HIRA: variants seen among roughly 807,000 people sequenced by gnomAD.
The protein encoded by HIRA is protein HIRA.
In HIRA, 13 loss-of-function variants were observed where a neutral mutation model predicts 126.6. That is an observed-to-expected ratio of 0.10 (90% CI 0.07 to 0.16). HIRA has a LOEUF of 0.16. HIRA is among the 10% of genes least tolerant of loss of function. The pLI is 1.00. For missense variants in HIRA, 834 were observed against 1,314.4 expected (o/e 0.63, Z 5.65); for synonymous variants, 511 against 520.0 (o/e 0.98, Z 0.24).
intron 9 of HIRA, among the ~76,000 whole-genome samples, chr22:19,391,632 C>G (rs916793176): frequency 3.3e-5 from 5 of 152,058 alleles, no homozygotes; most frequent in African/African-American, 1.2e-4. Flanking sequence ...AGGCGCCCAC[C>G]ACCACGCCCA....
At chr22:19,410,279 C>T (rs1436357041) in intron 2 of HIRA, among the ~76,000 whole-genome samples, 1 of 152,212 alleles carries the variant, frequency 6.6e-6, no homozygotes, top group Non-Finnish European at 1.5e-5. Flanking sequence ...TTTAACCTAA[C>T]TGAATTCCTT....
chr22:19,334,759 G>A (rs376346222), intron 24 of HIRA, among the ~76,000 whole-genome samples: 3 of 152,090 alleles, frequency 2.0e-5, no homozygotes, highest in Non-Finnish European at 2.9e-5. Context: ...TTACATGTAA[G>A]CTGGGTTTCT....
chr22:19,409,887 G>C (rs1242491923), intron 2 of HIRA, among the ~76,000 whole-genome samples: 1 of 151,220 alleles, frequency 6.6e-6, no homozygotes, highest in Non-Finnish European at 1.5e-5. Context: ...TGGAAGGAGA[G>C]AAAGGCTTCC....
chr22:19,330,763 A>AT lies in HIRA; in HGVS notation c.*676dup, dbSNP rs144223202. On this transcript the variant is annotated 3_prime_UTR_variant, in exon 25 of 25. Coordinates refer to ENST00000263208, the MANE Select transcript of HIRA (RefSeq NM_003325.4). ...AAGAAATCGCCCACCCCTTTGCCCC[A>AT]TTCCCCCAAAACAGTCTCTTTTTAC... is the stretch of plus-strand genomic sequence containing the variant. 2,119 of 157,922 alleles carry AT rather than the reference A, an allele frequency of 0.013. 70 individuals are homozygous for AT. Among genetic ancestry groups the AT allele is most frequent in the East Asian group, 0.095 (507 of 5,360 alleles). The allele number at this position is 157,922 out of a possible 1,614,324, so 9.8% of individuals were successfully genotyped here. A position where few individuals can be genotyped will look rare whatever the true frequency, so the allele number is the denominator to read the frequency against.
chr22:19,351,105 G>A lies in HIRA; in HGVS notation c.2937+253C>T. ...TTTTGTCTTCACAACCAAGCCCAGAGCCCCTGCAGGCAGCCTCCCTCAGCA... is the reference window on the plus strand; with the variant it reads ...TTTTGTCTTCACAACCAAGCCCAGAACCCCTGCAGGCAGCCTCCCTCAGCA... On this transcript the variant is annotated intron_variant, in intron 24 of 24. Transcript: ENST00000263208. This position sits in a 1 kb window ranked among gnomAD's most constrained non-coding sequence, Gnocchi z 4.8. The A allele has an allele frequency of 1.0e-6, 1 of 984,860 alleles. No individual in the cohort carries two copies. Among genetic ancestry groups the A allele is most frequent in the Non-Finnish European group, 1.2e-6 (1 of 829,474 alleles). The allele number at this position is 984,860 out of a possible 1,614,324, so 61.0% of individuals were successfully genotyped here.
chr22:19,403,371 A>G (rs960126759), intron 5 of HIRA, among the ~76,000 whole-genome samples: 1 of 152,110 alleles, frequency 6.6e-6, no homozygotes, highest in African/African-American at 2.4e-5. Context: ...GCACTTCGGG[A>G]GGCCAGGACA....
chr22:19,408,535 G>A lies in HIRA; in HGVS notation c.159C>T (p.Asp53=), dbSNP rs767322263. The A allele has an allele frequency of 3.7e-6, 6 of 1,613,754 alleles. No homozygotes were observed. The highest frequency in any genetic ancestry group is 1.3e-5 in the African/African-American group (1 of 75,022). The change falls in exon 3 of 25, where the codon GAC becomes GAT. Residue 53 remains aspartate, a synonymous_variant. Transcript: ENST00000263208. Reference sequence around the variant, plus strand: ...TCTTGGGAATATTTTCATCCTTCTCGTCATCCTCCTGGAGGACTGGAGACA... The same window carrying A: ...TCTTGGGAATATTTTCATCCTTCTCATCATCCTCCTGGAGGACTGGAGACA... The part of the protein sequence containing the change: ...WNMSPVLQED[D]EKDENIPKML...
At chr22:19,339,890 AC>A (rs1422036363) in intron 24 of HIRA, among the ~76,000 whole-genome samples, 6 of 152,212 alleles carry the variant, frequency 3.9e-5, no homozygotes, top group African/African-American at 1.4e-4. Flanking sequence ...AAAATTGCCA[AC>A]AAAAAAACAG....
At chr22:19,367,845 G>A (rs1045727173) in intron 15 of HIRA, among the ~76,000 whole-genome samples, 1 of 152,174 alleles carries the variant, frequency 6.6e-6, no homozygotes, top group African/African-American at 2.4e-5. Context: ...ATAGTTGGCT[G>A]AATCCATAGA....
chr22:19,361,856 T>C lies in HIRA; in HGVS notation c.1851A>G (p.Lys617=), dbSNP rs200475559. Residue 617 remains lysine, a synonymous_variant, in exon 16 of 25, where the codon AAA becomes AAG. Coordinates refer to ENST00000263208, the MANE Select transcript of HIRA (RefSeq NM_003325.4). The stretch of plus-strand genomic sequence containing the variant: ...GTGAGGAAGCCTTAGCCAAAGGGAC[T>C]TTCTCATCGCTGTCACTGCTGCTCT... The part of the protein sequence containing the change: ...LLESSSDSDE[K]VPLAKASSLS... 6.3e-5 allele frequency: 102 copies of C among 1,614,114 alleles called. No individual in the cohort carries two copies. Among genetic ancestry groups the C allele is most frequent in the Non-Finnish European group, 8.2e-5 (97 of 1,180,048 alleles).
chr22:19,412,361 AC>A (rs2089360393), intron 1 of HIRA, among the ~76,000 whole-genome samples: 1 of 152,204 alleles, frequency 6.6e-6, no homozygotes, highest in African/African-American at 2.4e-5. Flanking sequence ...GATGAGCTGA[AC>A]CTGCTAAGTC....
rs138349474 is a variant in HIRA, at chr22:19,416,147, T to C, written c.38-5369A>G. Reference sequence around the variant, plus strand: ...TCAATGGGGAAAGAACAGTCTCTTTTACAAATGGTGCTGCGAAAACTGCAC... The same window carrying C: ...TCAATGGGGAAAGAACAGTCTCTTTCACAAATGGTGCTGCGAAAACTGCAC... On this transcript the variant is annotated intron_variant, in intron 1 of 24. Coordinates refer to ENST00000263208, the MANE Select transcript of HIRA (RefSeq NM_003325.4). 1.8e-4 allele frequency among the ~76,000 whole-genome samples: 28 copies of C among 152,294 alleles called. No homozygotes were observed. In the East Asian group the frequency reaches 4.8e-3, roughly 26 times the overall value.
At chr22:19,406,321 CTAAA>C (rs1197016431) in intron 4 of HIRA, among the ~76,000 whole-genome samples, 1 of 152,112 alleles carries the variant, frequency 6.6e-6, no homozygotes, top group African/African-American at 2.4e-5. Flanking sequence ...AAATTGTATA[CTAAA>C]TGTTACTTAT....
chr22:19,369,464 G>T (rs2088944776), intron 15 of HIRA, among the ~76,000 whole-genome samples: 1 of 152,186 alleles, frequency 6.6e-6, no homozygotes, highest in Admixed American at 6.5e-5. Context: ...CTCCTATGAG[G>T]AGAGTTTTCC....
intron 11 of HIRA, 52 bp downstream of exon 11, chr22:19,387,659 T>C (rs2089138945): frequency 7.4e-7 from 1 of 1,354,184 alleles, no homozygotes; most frequent in Non-Finnish European, 1.1e-6. Context: ...CTCTCAGAGC[T>C]ATTGTGGCAA....
intron 1 of HIRA, among the ~76,000 whole-genome samples, chr22:19,413,595 C>CTATTTATTTATT (rs376817979): frequency 0.011 from 1,545 of 143,756 alleles, 19 homozygotes; most frequent in East Asian, 0.013. Context: ...GGGAATGAAA[C>CTATTTATTTATT]TATTTATTTA....
In HIRA at chr22:19,351,077, G is replaced by A. The variant is rs751674284; in HGVS notation, c.2937+281C>T. On this transcript the variant is annotated intron_variant, in intron 24 of 24. Coordinates refer to ENST00000263208, the MANE Select transcript of HIRA (RefSeq NM_003325.4). This position sits in a 1 kb window ranked among gnomAD's most constrained non-coding sequence, Gnocchi z 4.8. The stretch of plus-strand genomic sequence containing the variant: ...CCACGAAGGCAGGGAAGTACCTTCC[G>A]TCTTTTGTCTTCACAACCAAGCCCA... 15 of 968,864 alleles carry A rather than the reference G, an allele frequency of 1.5e-5. No individual in the cohort carries two copies. The highest frequency in any genetic ancestry group is 1.8e-5 in the African/African-American group (1 of 56,818). The allele number at this position is 968,864 out of a possible 1,614,324, so 60.0% of individuals were successfully genotyped here.
chr22:19,341,353 G>A (rs1479878834), intron 24 of HIRA, among the ~76,000 whole-genome samples: 1 of 151,610 alleles, frequency 6.6e-6, no homozygotes, highest in Non-Finnish European at 1.5e-5. Flanking sequence ...AGGAGGCTGA[G>A]GTGCAGGATC....
chr22:19,387,401 T>A (rs1161352681), intron 11 of HIRA, among the ~76,000 whole-genome samples: 1 of 152,164 alleles, frequency 6.6e-6, no homozygotes, highest in Admixed American at 6.5e-5. Flanking sequence ...CAGGGGCCCC[T>A]GAGGAGTCAC....
Sources: allele counts gnomAD v4.1 joint callset (sites outside exome capture counted in the v4.1 genomes callset), GRCh38; gene constraint gnomAD v4.1.1; non-coding constraint Gnocchi (gnomAD v3.1); transcripts MANE v1.5; gene names NCBI Gene and HGNC (gene_info 2026-07-23, HGNC 2026-07-21).